FRMD3: variants seen among roughly 807,000 people sequenced by gnomAD.
The protein encoded by FRMD3 is FERM domain containing 3, also known as FERM domain-containing protein 3.
In FRMD3, 33 loss-of-function variants were observed where a neutral mutation model predicts 70.2. The observed-to-expected ratio is 0.47, with a 90% confidence interval of 0.36 to 0.63. The LOEUF (loss-of-function observed/expected upper bound fraction) is 0.63. Ranked by LOEUF, FRMD3 falls within the 20% of genes least tolerant of loss-of-function variation. The pLI is 0.00. For missense variants in FRMD3, 632 were observed against 711.4 expected (o/e 0.89, Z 1.27); for synonymous variants, 279 against 255.9 (o/e 1.09, Z -0.86).
chr9:83,499,932 G>T (rs1341052110), intron 1 of FRMD3, among the ~76,000 whole-genome samples: 1 of 152,062 alleles, frequency 6.6e-6, no homozygotes, highest in Non-Finnish European at 1.5e-5. Flanking sequence ...AAAGAAATGA[G>T]TTATCAAGCC....
chr9:83,269,950 A>G (rs1266416918), intron 13 of FRMD3, among the ~76,000 whole-genome samples: 1 of 152,092 alleles, frequency 6.6e-6, no homozygotes, highest in Non-Finnish European at 1.5e-5. Context: ...AGCATTCTAT[A>G]TTGCCTCAGC....
intron 1 of FRMD3, among the ~76,000 whole-genome samples, chr9:83,471,000 G>C (rs1269216466): frequency 6.6e-6 from 1 of 152,160 alleles, no homozygotes; most frequent in Non-Finnish European, 1.5e-5. Flanking sequence ...CAGCAGTAGA[G>C]AACAATTTAA....
chr9:83,296,143 T>C (rs1311603627), intron 12 of FRMD3, among the ~76,000 whole-genome samples: 1 of 152,166 alleles, frequency 6.6e-6, no homozygotes, highest in Admixed American at 6.5e-5. Context: ...ATTCTCACTT[T>C]TGACAGCAGC....
At position 83,247,987 on chromosome 9, in the gene FRMD3, G is replaced by A. The variant is rs1445638491; in HGVS notation, c.1725C>T (p.Tyr575=). The change falls in exon 14 of 14, where the codon TAC becomes TAT. Residue 575 remains tyrosine, a synonymous_variant. Transcript: ENST00000304195. ...CCACCCACTCCTTGAGGGGACAGTA[G>A]TATTCATAGTGAAACTGCTCAAACT... The part of the protein sequence containing the change: ...TPEFEQFHYE[Y]YCPLKEWVAG... 6.2e-7 allele frequency: 1 copy of A among 1,614,186 alleles called. No individual in the cohort carries two copies. The highest frequency in any genetic ancestry group is 1.1e-5 in the South Asian group (1 of 91,082).
chr9:83,313,875 A>G (rs1433215890), intron 6 of FRMD3, 128 bp from the exon 7 acceptor site: 9 of 661,628 alleles, frequency 1.4e-5, no homozygotes, highest in East Asian at 2.8e-5. Context: ...AATAGTAATC[A>G]GTAAGACTGA....
the FRMD3 span, among the ~76,000 whole-genome samples, chr9:83,573,441 T>C: frequency 3.3e-4 from 51 of 152,270 alleles, no homozygotes; most frequent in African/African-American, 1.2e-3. Flanking sequence ...TTATATTCTT[T>C]TGGTTATAAG....
At chr9:83,287,356 C>G (rs1834259852) in intron 13 of FRMD3, among the ~76,000 whole-genome samples, 1 of 152,186 alleles carries the variant, frequency 6.6e-6, no homozygotes, top group Admixed American at 6.5e-5. Flanking sequence ...AAAGAACTGT[C>G]TAGCTCAAGA....
chr9:83,376,504 C>A (rs889014284), intron 2 of FRMD3, among the ~76,000 whole-genome samples: 1 of 152,074 alleles, frequency 6.6e-6, no homozygotes, highest in African/African-American at 2.4e-5. Context: ...TCAAATTGTG[C>A]ACTAAGTCAC....
At chr9:83,479,671 GGAAAGAAAGAAAGAAA>G (rs1290109477) in intron 1 of FRMD3, among the ~76,000 whole-genome samples, 10 of 29,964 alleles carry the variant, frequency 3.3e-4, no homozygotes, top group Non-Finnish European at 4.6e-4. Context: ...AAGGAAGGAA[GGAAAGAAAGAAAGAAA>G]GAAAGAAAGA....
chr9:83,471,150 G>A (rs748588942), intron 1 of FRMD3, among the ~76,000 whole-genome samples: 2 of 152,148 alleles, frequency 1.3e-5, no homozygotes, highest in African/African-American at 2.4e-5. Context: ...GGACCAACAC[G>A]TACTCCCTCA....
At chr9:83,503,115 C>G (rs1046600755) in intron 1 of FRMD3, among the ~76,000 whole-genome samples, 1 of 152,112 alleles carries the variant, frequency 6.6e-6, no homozygotes, top group Non-Finnish European at 1.5e-5. Context: ...GATGTCCTGC[C>G]CTAACCCCCA....
chr9:83,561,285 C>A, the FRMD3 span, among the ~76,000 whole-genome samples: 1 of 152,196 alleles, frequency 6.6e-6, no homozygotes, highest in Non-Finnish European at 1.5e-5. Context: ...TGTGTGATGG[C>A]CAAGCTCTTG....
intron 13 of FRMD3, among the ~76,000 whole-genome samples, chr9:83,262,556 C>T (rs1157815724): frequency 6.6e-6 from 1 of 152,178 alleles, no homozygotes; most frequent in African/African-American, 2.4e-5. Context: ...TATCAGTCCT[C>T]TTCTTAAAAG....
chr9:83,551,968 C>G, the FRMD3 span, among the ~76,000 whole-genome samples: 1 of 148,588 alleles, frequency 6.7e-6, no homozygotes, highest in South Asian at 2.1e-4. Flanking sequence ...GTCTCAATTT[C>G]CTTCAGCTAA....
intron 1 of FRMD3, among the ~76,000 whole-genome samples, chr9:83,507,736 A>ATATATATATATATATATCTATC (rs1554713917): frequency 1.1e-5 from 1 of 88,696 alleles, no homozygotes; most frequent in Non-Finnish European, 2.4e-5. Flanking sequence ...ATATATATAT[A>ATATATATATATATATATCTATC]TATCTTCTGG....
At chr9:83,366,753 C>A (rs1824800072) in intron 3 of FRMD3, among the ~76,000 whole-genome samples, 1 of 152,178 alleles carries the variant, frequency 6.6e-6, no homozygotes, top group African/African-American at 2.4e-5. Flanking sequence ...TTTTTTCATG[C>A]TAATATAATT....
At chr9:83,427,321 CT>C (rs751260508) in intron 1 of FRMD3, among the ~76,000 whole-genome samples, 77 of 152,304 alleles carry the variant, frequency 5.1e-4, no homozygotes, top group Non-Finnish European at 8.5e-4. Flanking sequence ...CCCTCTGGCC[CT>C]GTCACAATAA....
At chr9:83,429,210 T>C (rs72745066) in intron 1 of FRMD3, among the ~76,000 whole-genome samples, 9,749 of 152,236 alleles carry the variant, frequency 0.064, 406 homozygotes, top group East Asian at 0.16. Flanking sequence ...CTTCCAGAGC[T>C]GATGCCTCCC....
intron 1 of FRMD3, among the ~76,000 whole-genome samples, chr9:83,492,620 C>T (rs543543931): frequency 6.6e-6 from 1 of 152,158 alleles, no homozygotes; most frequent in Admixed American, 6.5e-5. Context: ...GTCTGGCCAC[C>T]GGGGCCTCTG....
Sources: allele counts gnomAD v4.1 joint callset (sites outside exome capture counted in the v4.1 genomes callset), GRCh38; gene constraint gnomAD v4.1.1; transcripts MANE v1.5; gene names NCBI Gene and HGNC (gene_info 2026-07-23, HGNC 2026-07-21).